The following CASP10 variants were observed in gnomAD, a reference collection of about 807,000 sequenced individuals.
CASP10 encodes the protein caspase-10.
CASP10 carries 41 observed loss-of-function variants against 48.5 expected under a neutral mutation model. The ratio of observed to expected loss-of-function variants is 0.85; its 90% CI spans 0.66 to 1.10. The LOEUF is 1.10. Among genes scored for constraint, CASP10 ranks in the 50% least tolerant of loss-of-function variants. The pLI is 0.00. For missense variants in CASP10, 614 were observed against 614.5 expected (o/e 1.00, Z 0.01); for synonymous variants, 232 against 238.4 (o/e 0.97, Z 0.25).
chr2:201,189,917 C>G (rs966705239), intron 3 of CASP10, among the ~76,000 whole-genome samples: 4 of 152,076 alleles, frequency 2.6e-5, no homozygotes, highest in Admixed American at 6.5e-5. Context: ...GAGGATCGCT[C>G]GAGCCCAGAG....
At chr2:201,188,535 G>GC (rs1303468327) in intron 3 of CASP10, among the ~76,000 whole-genome samples, 1 of 152,084 alleles carries the variant, frequency 6.6e-6, no homozygotes, top group African/African-American at 2.4e-5. Flanking sequence ...TTTCCTCCCT[G>GC]CCCCCAAATC....
chr2:201,224,264 C>A (rs574482094), downstream of CASP10, among the ~76,000 whole-genome samples: 26 of 151,388 alleles, frequency 1.7e-4, no homozygotes, highest in African/African-American at 5.6e-4. Flanking sequence ...AGCCACCGTG[C>A]CTGGCCAAAA....
Position 201,219,090 on chromosome 2 carries a change from C to A in CASP10, c.*1349C>A. The A allele has an allele frequency of 3.3e-6, 2 of 608,300 alleles. No homozygotes were observed. The highest frequency in any genetic ancestry group is 2.0e-5 in the African/African-American group (1 of 49,924). The allele number at this position is 608,300 out of a possible 1,614,324, so 37.7% of individuals were successfully genotyped here. On this transcript the variant is annotated 3_prime_UTR_variant, in exon 10 of 10. Transcript: ENST00000286186. ...TTCGAGACCAGCCTGGCCAATACGGCAAAACCTCATCATTACTAAAAACAC... is the reference window on the plus strand; with the variant it reads ...TTCGAGACCAGCCTGGCCAATACGGAAAAACCTCATCATTACTAAAAACAC...
chr2:201,183,564 G>A (rs923133473), intron 1 of CASP10, among the ~76,000 whole-genome samples: 1 of 152,156 alleles, frequency 6.6e-6, no homozygotes, highest in Non-Finnish European at 1.5e-5. Flanking sequence ...GATCAGAATT[G>A]TCAAGAAACC....
chr2:201,196,997 T>C (rs1304109790), intron 5 of CASP10, among the ~76,000 whole-genome samples: 1 of 152,202 alleles, frequency 6.6e-6, no homozygotes, highest in African/African-American at 2.4e-5. Flanking sequence ...ATCCAAGTTG[T>C]AGCATATCTC....
intron 3 of CASP10, among the ~76,000 whole-genome samples, chr2:201,189,786 C>T (rs1156574982): frequency 6.6e-6 from 1 of 152,028 alleles, no homozygotes; most frequent in African/African-American, 2.4e-5. Context: ...TCACTTGAGC[C>T]TCAGGAGTTT....
At chr2:201,209,016 A>G (rs1180732387) in intron 8 of CASP10, 54 bp from the exon 9 acceptor site, 2 of 1,538,676 alleles carry the variant, frequency 1.3e-6, no homozygotes, top group African/African-American at 1.6e-5. Context: ...TCATTTTATT[A>G]TTTCCCCTTT....
intron 9 of CASP10, chr2:201,213,696 G>A (rs1450665411): frequency 1.3e-5 from 2 of 152,192 alleles, no homozygotes; most frequent in Non-Finnish European, 2.9e-5. Context: ...TAGTAGGGAC[G>A]AAGTAAGTCC....
chr2:201,216,750 C>T (rs990675692), intron 9 of CASP10, among the ~76,000 whole-genome samples: 29 of 152,058 alleles, frequency 1.9e-4, no homozygotes, highest in Admixed American at 4.6e-4. Context: ...CTGGGAAAAC[C>T]GAGGCATGGA....
chr2:201,204,072 G>C (rs1207650599), intron 6 of CASP10, among the ~76,000 whole-genome samples: 1 of 152,170 alleles, frequency 6.6e-6, no homozygotes, highest in Non-Finnish European at 1.5e-5. Flanking sequence ...AGCAGAAACA[G>C]CCCCCGCAGG....
chr2:201,192,258 G>A (rs752791567), intron 3 of CASP10, among the ~76,000 whole-genome samples: 3 of 152,136 alleles, frequency 2.0e-5, no homozygotes, highest in Non-Finnish European at 4.4e-5. Flanking sequence ...GCTGGATGTG[G>A]TGGCATGAGC....
intron 4 of CASP10, among the ~76,000 whole-genome samples, chr2:201,194,683 T>C (rs1944727723): frequency 6.6e-6 from 1 of 152,112 alleles, no homozygotes; most frequent in Admixed American, 6.6e-5. Flanking sequence ...CAAGTGGTCA[T>C]ATTATTCTGG....
rs201601111 is a variant in CASP10, at chr2:201,186,102, C to T, written c.325C>T (p.Arg109Ter). The change falls in exon 2 of 10, where the codon CGA (arginine) becomes TGA (stop). Residue 109 changes from arginine (R) to a stop codon, truncating the protein, a stop_gained. Coordinates refer to ENST00000286186, the MANE Select transcript of CASP10 (RefSeq NM_032977.4). LOFTEE classifies it high-confidence loss of function. The stretch of plus-strand genomic sequence containing the variant: ...GGAAGTGGAGCGACTGCTGCCCACC[C>T]GACAAAGGGTTTCTCTGTTTAGGTG... The part of the protein sequence containing the change: ...KEEVERLLPT[R>*]QRVSLFRNLL... 62 of 1,611,942 alleles carry T rather than the reference C, an allele frequency of 3.8e-5. No homozygotes were observed. In the East Asian group the frequency reaches 5.1e-4, roughly 13 times the overall value.
At position 201,202,005 on chromosome 2, in the gene CASP10, C is replaced by T. The variant is rs548221611; in HGVS notation, c.685-1725C>T. Among the ~76,000 whole-genome samples the T allele has an allele frequency of 3.9e-5, 6 of 152,286 alleles. 1 individual carries two copies. Among genetic ancestry groups the T allele is most frequent in the African/African-American group, 1.4e-4 (6 of 41,550 alleles). ...AGCTGGGATTACAGGCACGTGCCAC[C>T]GCACCCAGCAAATTTTTTGTATTTT... is the stretch of plus-strand genomic sequence containing the variant. On this transcript the variant is annotated intron_variant, in intron 5 of 9. Coordinates refer to ENST00000286186, the MANE Select transcript of CASP10 (RefSeq NM_032977.4).
At chr2:201,222,348 C>A (rs554912435), downstream of CASP10, among the ~76,000 whole-genome samples, 1 of 152,040 alleles carries the variant, frequency 6.6e-6, no homozygotes, top group African/African-American at 2.4e-5. Context: ...TCCTGAGTAG[C>A]TGGGATTACA....
At chr2:201,186,529 TG>T (rs944948889) in intron 2 of CASP10, 17 of 197,974 alleles carry the variant, frequency 8.6e-5, no homozygotes, top group Non-Finnish European at 1.8e-4. Flanking sequence ...ATAAGCAAGA[TG>T]AAAAAAGAGA....
intron 5 of CASP10, among the ~76,000 whole-genome samples, chr2:201,200,192 T>G (rs1277666609): frequency 1.3e-5 from 2 of 152,220 alleles, no homozygotes; most frequent in East Asian, 1.9e-4. Flanking sequence ...GCAGTTAATT[T>G]TATATAGTTA....
intron 7 of CASP10, among the ~76,000 whole-genome samples, chr2:201,207,492 C>A (rs1945243481): frequency 6.6e-6 from 1 of 152,082 alleles, no homozygotes. Flanking sequence ...GGCGCGGTGG[C>A]TCATGCCTGT....
intron 5 of CASP10, among the ~76,000 whole-genome samples, chr2:201,198,433 C>T (rs1944882695): frequency 6.6e-6 from 1 of 151,672 alleles, no homozygotes; most frequent in Non-Finnish European, 1.5e-5. Flanking sequence ...CTATGTTGGC[C>T]AGGCTGATCT....
Sources: allele counts gnomAD v4.1 joint callset (sites outside exome capture counted in the v4.1 genomes callset), GRCh38; gene constraint gnomAD v4.1.1; transcripts MANE v1.5; gene names NCBI Gene and HGNC (gene_info 2026-07-23, HGNC 2026-07-21).